PIK3C2G: variants seen among roughly 807,000 people sequenced by gnomAD.
The protein encoded by PIK3C2G is phosphatidylinositol 3-kinase C2 domain-containing subunit gamma.
PIK3C2G carries 168 observed loss-of-function variants against 181.1 expected under a neutral mutation model. That is an observed-to-expected ratio of 0.93 (90% CI 0.82 to 1.05). The LOEUF is 1.05. Ranked by LOEUF, PIK3C2G falls within the 50% of genes least tolerant of loss-of-function variation. The pLI is 0.00. For missense variants in PIK3C2G, 1,869 were observed against 1,732.8 expected (o/e 1.08, Z -1.40); for synonymous variants, 573 against 592.2 (o/e 0.97, Z 0.47).
the PIK3C2G span, among the ~76,000 whole-genome samples, chr12:18,702,031 C>T: frequency 1.3e-5 from 2 of 151,822 alleles, no homozygotes; most frequent in African/African-American, 4.8e-5. Flanking sequence ...TTTTATATTT[C>T]CCAAGTTGGT....
At chr12:18,270,582 A>G (rs1948706382) in intron 1 of PIK3C2G, among the ~76,000 whole-genome samples, 1 of 152,204 alleles carries the variant, frequency 6.6e-6, no homozygotes, top group Non-Finnish European at 1.5e-5. Context: ...TTATTGGACC[A>G]GTATTCTATA....
At chr12:18,273,962 A>T (rs893494508) in intron 1 of PIK3C2G, among the ~76,000 whole-genome samples, 1 of 152,196 alleles carries the variant, frequency 6.6e-6, no homozygotes, top group Non-Finnish European at 1.5e-5. Flanking sequence ...TTACAAGAAA[A>T]AAAACAACCC....
the PIK3C2G span, chr12:18,683,772 T>A: frequency 1.8e-6 from 1 of 550,068 alleles, no homozygotes; most frequent in Non-Finnish European, 3.2e-6. Context: ...CAATCTCTTC[T>A]CCTCAGGCAG....
In PIK3C2G at chr12:18,282,111, T is replaced by A; in HGVS notation, c.30T>A (p.Asn10Lys). ...CATATTCTTGGCAAACGGATCCAAA[T>A]CCTAATGAATCACACGAAAAGCAGT... is the stretch of plus-strand genomic sequence containing the variant. MAYSWQTDP[N>K]PNESHEKQYE... is the part of the protein sequence containing the mutation. Residue 10 changes from asparagine to lysine, a missense_variant, in exon 2 of 33, where the codon AAT becomes AAA. Physicochemically the swap from Asn to Lys is moderately conservative, Grantham distance 94 (BLOSUM62 0). Transcript: ENST00000538779. 1.2e-6 allele frequency: 2 copies of A among 1,603,706 alleles called. No individual in the cohort carries two copies. Among genetic ancestry groups the A allele is most frequent in the South Asian group, 2.2e-5 (2 of 89,750 alleles).
At chr12:18,593,800 T>A (rs1354278776) in intron 29 of PIK3C2G, among the ~76,000 whole-genome samples, 1 of 151,934 alleles carries the variant, frequency 6.6e-6, no homozygotes, top group African/African-American at 2.4e-5. Flanking sequence ...ATAGTAAAAT[T>A]ATTTATAACT....
intron 8 of PIK3C2G, among the ~76,000 whole-genome samples, chr12:18,337,126 AAC>A (rs1259486650): frequency 6.6e-6 from 1 of 152,122 alleles, no homozygotes; most frequent in Non-Finnish European, 1.5e-5. Flanking sequence ...TTTTTTGAAA[AAC>A]CACAATTGTT....
chr12:18,723,232 TG>T, the PIK3C2G span: 9 of 1,253,010 alleles, frequency 7.2e-6, no homozygotes, highest in Non-Finnish European at 1.0e-5. Flanking sequence ...AAAAATACTT[TG>T]CTTTGAAATA....
chr12:18,707,450 G>T, the PIK3C2G span, among the ~76,000 whole-genome samples: 1 of 152,122 alleles, frequency 6.6e-6, no homozygotes, highest in East Asian at 1.9e-4. Context: ...CTTGTGGGAA[G>T]ATCCTCTTTC....
the PIK3C2G span, among the ~76,000 whole-genome samples, chr12:18,718,625 T>G: frequency 5.3e-5 from 8 of 152,132 alleles, no homozygotes; most frequent in Non-Finnish European, 1.2e-4. Flanking sequence ...TCATCACTCA[T>G]GCCACAACTA....
the PIK3C2G span, among the ~76,000 whole-genome samples, chr12:18,672,716 C>T: frequency 6.6e-6 from 1 of 152,148 alleles, no homozygotes; most frequent in East Asian, 1.9e-4. Context: ...GGTGACCTCA[C>T]TGGGAGGAAA....
chr12:18,711,757 A>G, the PIK3C2G span, among the ~76,000 whole-genome samples: 2 of 152,100 alleles, frequency 1.3e-5, no homozygotes, highest in Admixed American at 6.5e-5. Context: ...AAATATGCCT[A>G]TTCATATCCA....
intron 1 of PIK3C2G, among the ~76,000 whole-genome samples, chr12:18,269,024 C>A (rs1948631511): frequency 6.6e-6 from 1 of 151,984 alleles, no homozygotes; most frequent in Non-Finnish European, 1.5e-5. Context: ...AATTCTCATG[C>A]CTCAGCCTCC....
intron 11 of PIK3C2G, among the ~76,000 whole-genome samples, chr12:18,349,139 T>C (rs1382491123): frequency 6.6e-6 from 1 of 152,088 alleles, no homozygotes; most frequent in Non-Finnish European, 1.5e-5. Flanking sequence ...ATCTTTGTAA[T>C]CTAATCTTGG....
intron 11 of PIK3C2G, among the ~76,000 whole-genome samples, chr12:18,354,875 G>A (rs1026706548): frequency 1.3e-5 from 2 of 152,230 alleles, no homozygotes; most frequent in Non-Finnish European, 2.9e-5. Context: ...AGCAGGCATC[G>A]CCCCTTTCTC....
At position 18,391,254 on chromosome 12, in the gene PIK3C2G, T is replaced by TA; in HGVS notation, c.2126+4dup. The TA allele has an allele frequency of 6.4e-7, 1 of 1,564,904 alleles. No individual in the cohort carries two copies. Among genetic ancestry groups the TA allele is most frequent in the East Asian group, 2.3e-5 (1 of 42,832 alleles). ...TTCACAGAAACAGACTCCCCTACTG[T>TA]AAGTGACCTAGGTCTTGTGAATGAA... On this transcript the variant is annotated splice_region_variant and intron_variant, in intron 15 of 32. Coordinates refer to ENST00000538779, the MANE Select transcript of PIK3C2G (RefSeq NM_001288772.2).
At chr12:18,409,804 T>G (rs538159747) in intron 16 of PIK3C2G, among the ~76,000 whole-genome samples, 1 of 152,252 alleles carries the variant, frequency 6.6e-6, no homozygotes, top group East Asian at 1.9e-4. Context: ...AAAAGGGGTT[T>G]GTCTCATGGT....
the PIK3C2G span, among the ~76,000 whole-genome samples, chr12:18,699,266 C>T: frequency 1.3e-5 from 2 of 152,282 alleles, no homozygotes; most frequent in African/African-American, 4.8e-5. Flanking sequence ...ATTAACCCTA[C>T]CCTCTTCAAT....
downstream of PIK3C2G, among the ~76,000 whole-genome samples, chr12:18,651,825 A>G (rs1430007289): frequency 1.3e-5 from 2 of 152,146 alleles, no homozygotes; most frequent in African/African-American, 2.4e-5. Context: ...GTTCACAGAC[A>G]TATGCATGAG....
In PIK3C2G at chr12:18,505,384, G is replaced by A; in HGVS notation, c.3246G>A (p.Leu1082=). The change falls in exon 24 of 33, where the codon CTG becomes CTA. Residue 1082 remains leucine (L), a synonymous_variant. Transcript: ENST00000538779. ...VCDRHNDNIM[L]TKSGHMFHID... is the part of the protein sequence containing the mutation. Reference sequence around the variant, plus strand: ...ACCGTCACAATGATAATATCATGCTGACAAAGTCGGGCCACATGTTTCATA... The same window carrying A: ...ACCGTCACAATGATAATATCATGCTAACAAAGTCGGGCCACATGTTTCATA... 10 of 1,613,340 alleles carry A rather than the reference G, an allele frequency of 6.2e-6. No individual in the cohort carries two copies. The highest frequency in any genetic ancestry group is 8.5e-6 in the Non-Finnish European group (10 of 1,179,602).
Sources: gnomAD v4.1 joint callset for allele counts (sites outside exome capture counted in the v4.1 genomes callset) on GRCh38, gnomAD v4.1.1 for gene constraint, MANE v1.5 for transcripts, NCBI Gene and HGNC (gene_info 2026-07-23, HGNC 2026-07-21) for gene names.